ERBB4: variants seen among roughly 807,000 people sequenced by gnomAD.
ERBB4 encodes erb-b2 receptor tyrosine kinase 4, also known as receptor tyrosine-protein kinase erbB-4.
ERBB4 carries 42 observed loss-of-function variants against 158.0 expected under a neutral mutation model. That is an observed-to-expected ratio of 0.27 (90% confidence interval 0.21 to 0.34). The LOEUF (loss-of-function observed/expected upper bound fraction) is 0.34. ERBB4 is among the 10% of genes least tolerant of loss of function. ERBB4 has a pLI of 1.00. For missense variants in ERBB4, 1,333 were observed against 1,624.1 expected, an observed-to-expected ratio of 0.82 and a Z score of 3.08; for synonymous variants, 583 against 558.7, an observed-to-expected ratio of 1.04 and a Z score of -0.61.
chr2:211,589,446 A>T (rs1320392946), intron 19 of ERBB4, among the ~76,000 whole-genome samples: 1 of 152,192 alleles, frequency 6.6e-6, no homozygotes, highest in East Asian at 1.9e-4. Flanking sequence ...ATGTCCACAT[A>T]TAATTTCCTT....
chr2:211,448,522 T>G lies in ERBB4; in HGVS notation c.2488-17422A>C, dbSNP rs1017514781. ...CACACAGAGATAATGCAATACAGATTATAAGAAATGATAATGAAGGTGCAA... is the reference window on the plus strand; with the variant it reads ...CACACAGAGATAATGCAATACAGATGATAAGAAATGATAATGAAGGTGCAA... On this transcript the variant is annotated intron_variant, in intron 20 of 27. Transcript: ENST00000342788. Among the ~76,000 whole-genome samples, 11 of 151,590 alleles carry G rather than the reference T, an allele frequency of 7.3e-5. 2 individuals are homozygous for G. In the South Asian group the frequency reaches 2.3e-3, roughly 32 times the overall value.
At chr2:212,517,811 G>A (rs1314421865) in intron 1 of ERBB4, among the ~76,000 whole-genome samples, 1 of 152,042 alleles carries the variant, frequency 6.6e-6, no homozygotes, top group South Asian at 2.1e-4. Context: ...AAAGGAATGT[G>A]TGGAGTGTTA....
At chr2:212,283,877 CCA>C (rs1452615665) in intron 1 of ERBB4, among the ~76,000 whole-genome samples, 5 of 151,976 alleles carry the variant, frequency 3.3e-5, no homozygotes, top group Admixed American at 3.3e-4. Context: ...TAAAATGAAT[CCA>C]CAGTTGTTAT....
At chr2:212,191,784 TA>T in intron 1 of ERBB4, among the ~76,000 whole-genome samples, 1 of 104,014 alleles carries the variant, frequency 9.6e-6, no homozygotes, top group Non-Finnish European at 2.0e-5. Flanking sequence ...ACACGTGTGT[TA>T]TATGTTCTAT....
At chr2:211,838,353 A>G (rs11887033) in intron 3 of ERBB4, among the ~76,000 whole-genome samples, 32,577 of 152,036 alleles carry the variant, frequency 0.21, 3,639 homozygotes, top group South Asian at 0.33. Context: ...TGCTTCAGTC[A>G]TCCCCTCAGT....
rs1014322010 is a variant in ERBB4, at chr2:212,486,466, G to C, written c.82+51983C>G. On this transcript the variant is annotated intron_variant, in intron 1 of 27. Coordinates refer to ENST00000342788, the MANE Select transcript of ERBB4 (RefSeq NM_005235.3). ...TTTGTTTTCATGTTCAGGGTAATCT[G>C]AATAATCAATAAGAGCATCATTACT... is the stretch of plus-strand genomic sequence containing the variant. Among the ~76,000 whole-genome samples, 13 of 152,186 alleles carry C rather than the reference G, an allele frequency of 8.5e-5. 1 individual carries two copies. In the South Asian group the frequency reaches 2.7e-3, roughly 32 times the overall value.
intron 10 of ERBB4, 65 bp downstream of exon 10, chr2:211,705,253 A>G: frequency 8.8e-7 from 1 of 1,136,654 alleles, no homozygotes; most frequent in South Asian, 1.2e-5. Context: ...TGCCCAGTCA[A>G]TCTTGTGTAA....
chr2:211,522,733 C>T lies in ERBB4; in HGVS notation c.2487+39170G>A, dbSNP rs1426053947. ...TCACCATCAGAAAGATTCTGACTCA[C>T]TAAAGGCTTAGACGATCATTCTCTT... On this transcript the variant is annotated intron_variant, in intron 20 of 27. Coordinates refer to ENST00000342788, the MANE Select transcript of ERBB4 (RefSeq NM_005235.3). Among the ~76,000 whole-genome samples, 7 of 152,234 alleles carry T rather than the reference C, an allele frequency of 4.6e-5. No homozygotes were observed. The East Asian group carries it at 1.4e-3, about 29-fold the overall frequency.
intron 2 of ERBB4, among the ~76,000 whole-genome samples, chr2:212,054,688 G>T (rs2077499936): frequency 6.6e-6 from 1 of 152,220 alleles, no homozygotes; most frequent in Admixed American, 6.5e-5. Context: ...TGCGTGGGGA[G>T]AGCAGAAAAG....
chr2:211,854,947 A>G (rs182178841), intron 3 of ERBB4, among the ~76,000 whole-genome samples: 249 of 152,234 alleles, frequency 1.6e-3, no homozygotes, highest in Non-Finnish European at 2.8e-3. Context: ...CAGTTTCCCA[A>G]AGTGGATGTA....
chr2:211,570,256 A>G (rs2067676180), intron 19 of ERBB4, among the ~76,000 whole-genome samples: 1 of 148,782 alleles, frequency 6.7e-6, no homozygotes, highest in African/African-American at 2.5e-5. Flanking sequence ...GGTTCAAGCT[A>G]TTCTCCTGCC....
In ERBB4 at chr2:212,092,152, G is replaced by A. The variant is rs79899283; in HGVS notation, c.234+32600C>T. On this transcript the variant is annotated intron_variant, in intron 2 of 27. Transcript: ENST00000342788. ...CTAAAACTGCCTAATTATGATCATT[G>A]TGTGTACATAATTTTCATGTATTTT... Among the ~76,000 whole-genome samples, 536 of 152,286 alleles carry A rather than the reference G, an allele frequency of 3.5e-3. 6 individuals are homozygous for A. Among genetic ancestry groups the A allele is most frequent in the African/African-American group, 0.012 (507 of 41,560 alleles).
At chr2:211,860,343 T>C (rs570619643) in intron 3 of ERBB4, among the ~76,000 whole-genome samples, 1 of 152,202 alleles carries the variant, frequency 6.6e-6, no homozygotes, top group Non-Finnish European at 1.5e-5. Context: ...AAAAGACTTT[T>C]ATAAGCCTAA....
intron 1 of ERBB4, among the ~76,000 whole-genome samples, chr2:212,485,515 C>T (rs1427523350): frequency 6.6e-6 from 1 of 152,122 alleles, no homozygotes; most frequent in Non-Finnish European, 1.5e-5. Flanking sequence ...AATATAGAAA[C>T]TGGATGACAG....
At chr2:211,911,991 C>A (rs1444734591) in intron 3 of ERBB4, among the ~76,000 whole-genome samples, 1 of 151,954 alleles carries the variant, frequency 6.6e-6, no homozygotes, top group Admixed American at 6.6e-5. Context: ...GGGAAACACA[C>A]CAGCCACAGA....
intron 25 of ERBB4, among the ~76,000 whole-genome samples, chr2:211,414,215 G>A (rs7591494): frequency 0.24 from 35,869 of 152,064 alleles, 4,849 homozygotes; most frequent in South Asian, 0.53. Flanking sequence ...AAAATACAGC[G>A]TGACCTGGCG....
At chr2:212,395,111 T>A (rs182162887) in intron 1 of ERBB4, among the ~76,000 whole-genome samples, 1 of 152,170 alleles carries the variant, frequency 6.6e-6, no homozygotes, top group Non-Finnish European at 1.5e-5. Context: ...CAGTGTCTGC[T>A]ATATATATGT....
chr2:212,527,973 G>C (rs563116992), intron 1 of ERBB4, among the ~76,000 whole-genome samples: 1 of 150,294 alleles, frequency 6.7e-6, no homozygotes, highest in Non-Finnish European at 1.5e-5. Context: ...TTGTCCTTGC[G>C]ACAGTTTACT....
At chr2:211,965,864 G>C (rs1330703403) in intron 2 of ERBB4, among the ~76,000 whole-genome samples, 1 of 152,030 alleles carries the variant, frequency 6.6e-6, no homozygotes, top group East Asian at 1.9e-4. Flanking sequence ...AAGAGGAAAG[G>C]GCAAAGCATA....
Sources: gnomAD v4.1 joint callset for allele counts (sites outside exome capture counted in the v4.1 genomes callset) on GRCh38, gnomAD v4.1.1 for gene constraint, MANE v1.5 for transcripts, NCBI Gene and HGNC (gene_info 2026-07-23, HGNC 2026-07-21) for gene names.